MGAT4C: variants seen among roughly 807,000 people sequenced by gnomAD.
MGAT4C encodes alpha-1,3-mannosyl-glycoprotein 4-beta-N-acetylglucosaminyltransferase C.
MGAT4C carries 19 observed loss-of-function variants against 40.1 expected under a neutral mutation model. That is an observed-to-expected ratio of 0.47 (90% confidence interval 0.33 to 0.70). The LOEUF (loss-of-function observed/expected upper bound fraction) is 0.70, where lower values mean the gene tolerates loss of function less well. MGAT4C is among the 30% of genes least tolerant of loss of function. The probability of loss-of-function intolerance (pLI) is 0.02; values close to 1 mark genes in which losing one functional copy is unlikely to be tolerated. For synonymous variants in MGAT4C, 181 were observed against 187.1 expected, an observed-to-expected ratio of 0.97 and a Z score of 0.27; for missense variants, 491 against 563.2, an observed-to-expected ratio of 0.87 and a Z score of 1.30.
intron 3 of MGAT4C, among the ~76,000 whole-genome samples, chr12:86,379,061 C>T (rs1955882102): frequency 6.6e-6 from 1 of 151,986 alleles, no homozygotes; most frequent in African/African-American, 2.4e-5. Flanking sequence ...AATTATTTGT[C>T]CATTAAAAAT....
rs951973910 is a variant in MGAT4C at position 85,957,013 on chromosome 12, C to T, written c.*22276G>A. ...AGCTGATTTCATGGCTATGTGGAACCATTGGTTGGACACATAAAATGAGAG... is the reference window on the plus strand; with the variant it reads ...AGCTGATTTCATGGCTATGTGGAACTATTGGTTGGACACATAAAATGAGAG... On this transcript the variant is annotated 3_prime_UTR_variant, in exon 5 of 5. Transcript: ENST00000611864. The T allele has an allele frequency of 6.6e-6, 1 of 152,106 alleles. No individual in the cohort carries two copies. The highest frequency in any genetic ancestry group is 2.4e-5 in the African/African-American group (1 of 41,430). The allele number at this position is 152,106 out of a possible 1,614,324, so 9.4% of individuals were successfully genotyped here.
At chr12:86,214,621 G>T (rs1950598954) in intron 1 of MGAT4C, among the ~76,000 whole-genome samples, 1 of 152,104 alleles carries the variant, frequency 6.6e-6, no homozygotes. Flanking sequence ...TCCTCACATG[G>T]TAGAAAGAGA....
chr12:86,707,973 T>C (rs1413981120), intron 2 of MGAT4C, among the ~76,000 whole-genome samples: 1 of 152,150 alleles, frequency 6.6e-6, no homozygotes, highest in Non-Finnish European at 1.5e-5. Context: ...AAATCCCATT[T>C]TTAGAGGAGA....
At chr12:86,488,868 T>C (rs2136320531) in intron 2 of MGAT4C, among the ~76,000 whole-genome samples, 1 of 152,184 alleles carries the variant, frequency 6.6e-6, no homozygotes, top group East Asian at 1.9e-4. Context: ...AAAAATGTGG[T>C]TATTTTAAAA....
intron 2 of MGAT4C, among the ~76,000 whole-genome samples, chr12:86,716,770 C>T (rs1357654997): frequency 1.3e-5 from 2 of 151,978 alleles, no homozygotes; most frequent in Non-Finnish European, 2.9e-5. Context: ...TGCCAGTTAC[C>T]AAGTGAAAGA....
At chr12:86,147,324 C>T (rs546171793) in intron 1 of MGAT4C, among the ~76,000 whole-genome samples, 4 of 152,124 alleles carry the variant, frequency 2.6e-5, no homozygotes, top group Non-Finnish European at 5.9e-5. Flanking sequence ...TCACTGCAAG[C>T]TCCACCTCCC....
Position 85,979,859 on chromosome 12 carries a change from C to G in MGAT4C, c.867G>C (p.Leu289Phe). Reference sequence around the variant, plus strand: ...GAGCCAACAGACCACGGAAATGAGTCAATAGCCAATCACAAGGCATTTCTT... The same window carrying G: ...GAGCCAACAGACCACGGAAATGAGTGAATAGCCAATCACAAGGCATTTCTT... The part of the protein sequence containing the change: ...FYQEMPCDWL[L>F]THFRGLLAQK... Residue 289 changes from leucine (L) to phenylalanine (F), a missense_variant, in exon 5 of 5, where the codon TTG becomes TTC. Physicochemically the swap from Leu to Phe is conservative, Grantham distance 22 (BLOSUM62 0). Coordinates refer to ENST00000611864, the MANE Select transcript of MGAT4C (RefSeq NM_001351288.2). 1 of 1,613,640 alleles carries G rather than the reference C, an allele frequency of 6.2e-7. No homozygotes were observed. The highest frequency in any genetic ancestry group is 8.5e-7 in the Non-Finnish European group (1 of 1,179,760).
intron 1 of MGAT4C, among the ~76,000 whole-genome samples, chr12:86,804,204 G>A (rs1952296338): frequency 6.8e-6 from 1 of 147,844 alleles, no homozygotes; most frequent in Admixed American, 6.9e-5. Context: ...CTCATAGGTG[G>A]GAATTGAACA....
At chr12:86,439,765 A>T (rs1957196420) in intron 2 of MGAT4C, among the ~76,000 whole-genome samples, 1 of 152,002 alleles carries the variant, frequency 6.6e-6, no homozygotes, top group Non-Finnish European at 1.5e-5. Context: ...AGGTTCAAAT[A>T]AACTCAATTA....
chr12:86,722,026 C>T (rs1188227678), intron 2 of MGAT4C, among the ~76,000 whole-genome samples: 1 of 151,956 alleles, frequency 6.6e-6, no homozygotes, highest in Non-Finnish European at 1.5e-5. Flanking sequence ...CTCTTACATC[C>T]TAGATTAAGC....
intron 1 of MGAT4C, among the ~76,000 whole-genome samples, chr12:86,738,521 G>A (rs1434927204): frequency 6.6e-6 from 1 of 151,164 alleles, no homozygotes; most frequent in Non-Finnish European, 1.5e-5. Flanking sequence ...CACAGAGCAG[G>A]TACTCAATTA....
At position 85,966,177 on chromosome 12, in the gene MGAT4C, T is replaced by A. The variant is rs928622514; in HGVS notation, c.*13112A>T. 6.6e-6 allele frequency: 1 copy of A among 152,178 alleles called. No individual in the cohort carries two copies. The highest frequency in any genetic ancestry group is 1.5e-5 in the Non-Finnish European group (1 of 68,026). 9.4% of individuals were successfully genotyped at this position (152,178 alleles called of 1,614,324 possible). ...GATGGAGGAAAATGATACCATCTGA[T>A]TTAATTATTAACTTGAAGGTCAGTT... On this transcript the variant is annotated 3_prime_UTR_variant, in exon 5 of 5. Coordinates refer to ENST00000611864, the MANE Select transcript of MGAT4C (RefSeq NM_001351288.2).
intron 1 of MGAT4C, among the ~76,000 whole-genome samples, chr12:86,754,786 A>C (rs1280043070): frequency 6.6e-6 from 1 of 152,070 alleles, no homozygotes; most frequent in Non-Finnish European, 1.5e-5. Flanking sequence ...TTTTGATCAA[A>C]CTTTCTGTCC....
chr12:85,998,627 T>A (rs1238665666), intron 2 of MGAT4C, among the ~76,000 whole-genome samples: 1 of 152,166 alleles, frequency 6.6e-6, no homozygotes, highest in Non-Finnish European at 1.5e-5. Context: ...AAGGCAGGGA[T>A]AAAATGCTGC....
rs148531827 is a variant in MGAT4C at position 86,818,674 on chromosome 12, T to A, written c.-262+19992A>T. ...AAAAAATAAACTCAAATAAAACATT[T>A]TGAAGCTTCTAAAGAAAAAACGACA... On this transcript the variant is annotated intron_variant, in intron 1 of 7. Coordinates refer to the MGAT4C transcript ENST00000548651. Among the ~76,000 whole-genome samples the A allele has an allele frequency of 8.5e-4, 128 of 151,242 alleles. 1 individual carries two copies. The highest frequency in any genetic ancestry group is 2.8e-3 in the African/African-American group (115 of 41,462).
rs1387502002 is a variant in MGAT4C at position 85,978,593 on chromosome 12, A to T, written c.*696T>A. ...AGCTTAACTCTTCTTTTTTTTTTTC[A>T]AAAGGGAAACTTGAAAAAGACTGCT... On this transcript the variant is annotated 3_prime_UTR_variant, in exon 5 of 5. Transcript: ENST00000611864. The T allele has an allele frequency of 1.3e-5, 2 of 151,078 alleles. No homozygotes were observed. The highest frequency in any genetic ancestry group is 3.0e-5 in the Non-Finnish European group (2 of 67,430). The allele number at this position is 151,078 out of a possible 1,614,324, so 9.4% of individuals were successfully genotyped here.
chr12:86,183,941 C>T (rs1187348598), intron 1 of MGAT4C, among the ~76,000 whole-genome samples: 1 of 152,078 alleles, frequency 6.6e-6, no homozygotes, highest in Non-Finnish European at 1.5e-5. Flanking sequence ...CCACATATAT[C>T]AGTTATCAAA....
At chr12:86,767,697 C>T (rs1052575419) in intron 1 of MGAT4C, among the ~76,000 whole-genome samples, 24 of 152,264 alleles carry the variant, frequency 1.6e-4, no homozygotes, top group Non-Finnish European at 3.1e-4. Context: ...CCCTGGGATG[C>T]AAGGCTGGTT....
In MGAT4C at chr12:86,612,014, CA is replaced by C. The variant is rs533650383; in HGVS notation, c.-229+115194del. 3.1e-3 allele frequency among the ~76,000 whole-genome samples: 477 copies of C among 152,270 alleles called. 1 individual carries two copies. The highest frequency in any genetic ancestry group is 0.011 in the African/African-American group (461 of 41,546). Reference sequence around the variant, plus strand: ...CCACTATTTGTTTGAAGGTTTATCACAACTTGGAGGATCTCTAAGTTTAATC... The same window carrying C: ...CCACTATTTGTTTGAAGGTTTATCACACTTGGAGGATCTCTAAGTTTAATC... On this transcript the variant is annotated intron_variant, in intron 2 of 7. Coordinates refer to the MGAT4C transcript ENST00000548651.
Sources: gnomAD v4.1 joint callset for allele counts (sites outside exome capture counted in the v4.1 genomes callset) on GRCh38, gnomAD v4.1.1 for gene constraint, MANE v1.5 for transcripts, NCBI Gene and HGNC (gene_info 2026-07-23, HGNC 2026-07-21) for gene names.